Variants in RAX observed in about 807,000 individuals in gnomAD.
The protein encoded by RAX is retinal homeobox protein Rx.
RAX carries 11 observed loss-of-function variants against 17.4 expected under a neutral mutation model. The ratio of observed to expected loss-of-function variants is 0.63; its 90% CI spans 0.40 to 1.05. The LOEUF (loss-of-function observed/expected upper bound fraction) is 1.05. Among genes scored for constraint, RAX ranks in the 50% least tolerant of loss-of-function variants. The pLI, the probability that RAX is intolerant of heterozygous loss-of-function variation, is 0.00. For missense variants in RAX, 527 were observed against 501.1 expected, an observed-to-expected ratio of 1.05 and a Z score of -0.49; for synonymous variants, 276 against 254.7, an observed-to-expected ratio of 1.08 and a Z score of -0.80.
Position 59,273,215 on chromosome 18 carries a change from C to T in RAX, c.-9G>A, listed in dbSNP as rs548427917. The T allele has an allele frequency of 3.4e-5, 52 of 1,525,620 alleles. No individual in the cohort carries two copies. In the African/African-American group the frequency reaches 6.7e-4, roughly 20 times the overall value. 94.5% of individuals were successfully genotyped at this position (1,525,620 alleles called of 1,614,324 possible). A position where few individuals can be genotyped will look rare whatever the true frequency, so the allele number is the denominator to read the frequency against. On this transcript the variant is annotated 5_prime_UTR_variant, in exon 1 of 3. Transcript: ENST00000334889. ...CAGCCCGGCAGGTGCATGGGGAGCG[C>T]CGGGAGGCGGGAGGGCGCTTTGGAG...
At chr18:59,272,707 C>A (rs929305264) in intron 1 of RAX, 93 bp from the exon 2 acceptor site, 5 of 1,468,962 alleles carry the variant, frequency 3.4e-6, no homozygotes, top group Non-Finnish European at 4.5e-6. Flanking sequence ...AGCCCGCCTG[C>A]GGGCTCCGAG....
Position 59,268,313 on chromosome 18 carries a change from A to AAGGGCGCCTCTGGTCT in RAX, c.*675_*690dup, listed in dbSNP as rs1431377351. ...CCAAGCGCGCACGCCGGCTCCAGGG[A>AAGGGCGCCTCTGGTCT]AGGGCGCCTCTGGTCTAGGCCGCCG... On this transcript the variant is annotated 3_prime_UTR_variant, in exon 3 of 3. Coordinates refer to ENST00000334889, the MANE Select transcript of RAX (RefSeq NM_013435.3). The surrounding 1 kb of genome is among the most constrained non-coding windows in gnomAD (Gnocchi z 4.4). The AAGGGCGCCTCTGGTCT allele has an allele frequency of 1.3e-5, 2 of 152,360 alleles. No homozygotes were observed. Among genetic ancestry groups the AAGGGCGCCTCTGGTCT allele is most frequent in the Non-Finnish European group, 2.9e-5 (2 of 68,210 alleles). The allele number at this position is 152,360 out of a possible 1,614,324, so 9.4% of individuals were successfully genotyped here.
rs769925130 is a variant in RAX at position 59,267,861 on chromosome 18, A to G, written c.*1143T>C. 3.3e-5 allele frequency: 5 copies of G among 152,216 alleles called. No individual in the cohort carries two copies. Among genetic ancestry groups the G allele is most frequent in the Non-Finnish European group, 7.3e-5 (5 of 68,046 alleles). The allele number at this position is 152,216 out of a possible 1,614,324, so 9.4% of individuals were successfully genotyped here. On this transcript the variant is annotated 3_prime_UTR_variant, in exon 3 of 3. Coordinates refer to ENST00000334889, the MANE Select transcript of RAX (RefSeq NM_013435.3). ...AGATACTGTCCAGGGCACGCCCGCA[A>G]GAACTAGCTCTCGGGGCGGTGGCGT... is the stretch of plus-strand genomic sequence containing the variant.
At chr18:59,270,314 CTAT>C (rs2070327348) in intron 2 of RAX, among the ~76,000 whole-genome samples, 2 of 152,200 alleles carry the variant, frequency 1.3e-5, no homozygotes, top group Non-Finnish European at 2.9e-5. Context: ...TCATTCCAGT[CTAT>C]TATATCTACT....
chr18:59,268,765 G>T lies in RAX; in HGVS notation c.*239C>A. ...CCCGGCAGCCTGTTGCCCTCCAGCT[G>T]CAGGGCTGAGGTCCGCGAAGTGCGT... On this transcript the variant is annotated 3_prime_UTR_variant, in exon 3 of 3. Transcript: ENST00000334889. This position sits in a 1 kb window ranked among gnomAD's most constrained non-coding sequence, Gnocchi z 4.4. 1.5e-6 allele frequency: 1 copy of T among 654,112 alleles called. No individual in the cohort carries two copies. Among genetic ancestry groups the T allele is most frequent in the Non-Finnish European group, 2.5e-6 (1 of 396,976 alleles). The allele number at this position is 654,112 out of a possible 1,614,324, so 40.5% of individuals were successfully genotyped here.
At position 59,273,368 on chromosome 18, in the gene RAX, T is replaced by C. The variant is rs2070358549; in HGVS notation, c.-162A>G. 30 of 733,238 alleles carry C rather than the reference T, an allele frequency of 4.1e-5. No individual in the cohort carries two copies. In the South Asian group the frequency reaches 6.4e-4, roughly 16 times the overall value. The allele number at this position is 733,238 out of a possible 1,614,324, so 45.4% of individuals were successfully genotyped here. A position where few individuals can be genotyped will look rare whatever the true frequency, so the allele number is the denominator to read the frequency against. ...GCGCACGCTGGGGGTGGCCGAGCGC[T>C]CAGCCCGCTGCCGCCTTAGTCCCAG... On this transcript the variant is annotated 5_prime_UTR_variant, in exon 1 of 3. Transcript: ENST00000334889.
In RAX at chr18:59,272,369, G is replaced by C; in HGVS notation, c.535C>G (p.Arg179Gly). Residue 179 changes from arginine (R) to glycine (G), a missense_variant, in exon 2 of 3, where the codon CGG (arginine) becomes GGG (glycine). Physicochemically the swap from Arg to Gly is moderately radical, Grantham distance 125. Coordinates refer to ENST00000334889, the MANE Select transcript of RAX (RefSeq NM_013435.3). ...CAACCTGGGCGCTTTACCTGGACCC[G>C]GACCTCTGGTAGGTTGACCTTGCCG... ...LAGKVNLPEV[R>G]VQVWFQNRRA... 6.2e-7 allele frequency: 1 copy of C among 1,614,220 alleles called. No individual in the cohort carries two copies. The highest frequency in any genetic ancestry group is 2.2e-5 in the East Asian group (1 of 44,882).
At position 59,273,194 on chromosome 18, in the gene RAX, C is replaced by T. The variant is rs1167489071; in HGVS notation, c.13G>A (p.Gly5Ser). 2 of 1,530,230 alleles carry T rather than the reference C, an allele frequency of 1.3e-6. No homozygotes were observed. The highest frequency in any genetic ancestry group is 1.7e-6 in the Non-Finnish European group (2 of 1,144,284). The allele number at this position is 1,530,230 out of a possible 1,614,324, so 94.8% of individuals were successfully genotyped here. Residue 5 changes from glycine to serine, a missense_variant, in exon 1 of 3, where the codon GGC becomes AGC. Physicochemically the swap from Gly to Ser is moderately conservative, Grantham distance 56. Coordinates refer to ENST00000334889, the MANE Select transcript of RAX (RefSeq NM_013435.3). Reference protein sequence around the residue: MHLPGCAPAMADGSF... With the variant: MHLPSCAPAMADGSF... ...CCGTCGGCCATGGCTGGCGCGCAGC[C>T]CGGCAGGTGCATGGGGAGCGCCGGG...
chr18:59,269,124 G>A lies in RAX; in HGVS notation c.921C>T (p.Pro307=), dbSNP rs775263241. 1 of 1,606,654 alleles carries A rather than the reference G, an allele frequency of 6.2e-7. No individual in the cohort carries two copies. The highest frequency in any genetic ancestry group is 1.7e-5 in the Admixed American group (1 of 59,168). Residue 307 remains proline, a synonymous_variant, in exon 3 of 3, where the codon CCC becomes CCT. Transcript: ENST00000334889. The part of the protein sequence containing the change: ...APPPPSYPCG[P]GFGDKFPLDE... ...CCAGCGGGAACTTGTCCCCGAAGCC[G>A]GGCCCGCACGGGTAGGAGGGCGGCG...
chr18:59,273,284 G>A lies in RAX; in HGVS notation c.-78C>T. 1.4e-6 allele frequency: 2 copies of A among 1,422,362 alleles called. No individual in the cohort carries two copies. Among genetic ancestry groups the A allele is most frequent in the Non-Finnish European group, 1.9e-6 (2 of 1,072,370 alleles). The allele number at this position is 1,422,362 out of a possible 1,614,324, so 88.1% of individuals were successfully genotyped here. ...AAGCCGGGTCTTCCCGAGTGCGGCG[G>A]TGCAACCCGACGGGTCCCGACCCTA... On this transcript the variant is annotated 5_prime_UTR_variant, in exon 1 of 3. Coordinates refer to ENST00000334889, the MANE Select transcript of RAX (RefSeq NM_013435.3).
intron 1 of RAX, 110 bp downstream of exon 1, chr18:59,272,808 A>C: frequency 7.0e-7 from 1 of 1,426,684 alleles, no homozygotes; most frequent in Non-Finnish European, 9.3e-7. Context: ...ACGGTCCCCA[A>C]CCCCGCGCCC....
chr18:59,271,809 T>C (rs1004640911), intron 2 of RAX, among the ~76,000 whole-genome samples: 18 of 152,218 alleles, frequency 1.2e-4, no homozygotes, highest in Admixed American at 1.2e-3. Context: ...AAAACCCCTT[T>C]ACAATAAAAA....
At position 59,269,335 on chromosome 18, in the gene RAX, C is replaced by T. The variant is rs757339865; in HGVS notation, c.710G>A (p.Gly237Asp). ...GAGCCAGGACTCCAGCGGCAGCGCG[C>T]CCCCAGCCGGCCCGCCACCGCTGCC... ...GPGSGGGPAG[G>D]ALPLESWLGP... The change falls in exon 3 of 3, where the codon GGC becomes GAC. Residue 237 changes from glycine (G) to aspartate (D), a missense_variant. Gly to Asp is a moderately conservative substitution (Grantham distance 94). Transcript: ENST00000334889. The T allele has an allele frequency of 3.8e-4, 498 of 1,324,364 alleles. 1 individual carries two copies. Among genetic ancestry groups the T allele is most frequent in the Admixed American group, 8.4e-4 (25 of 29,650 alleles). The allele number at this position is 1,324,364 out of a possible 1,614,324, so 82.0% of individuals were successfully genotyped here.
intron 1 of RAX, 86 bp downstream of exon 1, chr18:59,272,832 A>G (rs866885705): frequency 6.8e-7 from 1 of 1,468,108 alleles, no homozygotes; most frequent in Non-Finnish European, 9.0e-7. Flanking sequence ...TGCCTTAATA[A>G]AAGTTAAGGA....
chr18:59,272,953 G>C lies in RAX; in HGVS notation c.254C>G (p.Pro85Arg). 3 of 1,470,964 alleles carry C rather than the reference G, an allele frequency of 2.0e-6. No individual in the cohort carries two copies. The highest frequency in any genetic ancestry group is 1.8e-6 in the Non-Finnish European group (2 of 1,126,602). The allele number at this position is 1,470,964 out of a possible 1,614,324, so 91.1% of individuals were successfully genotyped here. ...GGGGGCGGGCGCCGGGGCTGGCGGC[G>C]GGGAGGGCTCGGAGCCTTCCTCGGG... ...KAPEEGSEPS[P>R]PPAPAPAPEY... Residue 85 changes from proline (P) to arginine (R), a missense_variant, in exon 1 of 3, where the codon CCG (proline) becomes CGG (arginine). Physicochemically the swap from Pro to Arg is moderately radical, Grantham distance 103 (BLOSUM62 -2). Transcript: ENST00000334889.
At position 59,272,583 on chromosome 18, in the gene RAX, C is replaced by G; in HGVS notation, c.321G>C (p.Gly107=). 6.2e-7 allele frequency: 1 copy of G among 1,613,582 alleles called. No homozygotes were observed. The highest frequency in any genetic ancestry group is 8.5e-7 in the Non-Finnish European group (1 of 1,179,926). ...GCAGCCCTGGGCTCGGCCGTGCCTCCCCGGGCTCCTTGGGGCAGTAGGGTC... is the reference window on the plus strand; with the variant it reads ...GCAGCCCTGGGCTCGGCCGTGCCTCGCCGGGCTCCTTGGGGCAGTAGGGTC... The part of the protein sequence containing the change: ...APRPYCPKEP[G]EARPSPGLPV... Residue 107 remains glycine (G), a synonymous_variant, in exon 2 of 3, where the codon GGG becomes GGC. Transcript: ENST00000334889.
chr18:59,269,538 G>A (rs1224686708), intron 2 of RAX, 37 bp from the exon 3 acceptor site: 3 of 1,590,664 alleles, frequency 1.9e-6, no homozygotes, highest in Non-Finnish European at 8.5e-7. Context: ...GGGCAGCAGC[G>A]GAGGCTGCGG....
At position 59,268,821 on chromosome 18, in the gene RAX, T is replaced by C; in HGVS notation, c.*183A>G. On this transcript the variant is annotated 3_prime_UTR_variant, in exon 3 of 3. Transcript: ENST00000334889. This position sits in a 1 kb window ranked among gnomAD's most constrained non-coding sequence, Gnocchi z 4.4. The stretch of plus-strand genomic sequence containing the variant: ...CGGCCAGAGGGCCTCTCCTCAGGCC[T>C]GAAAGTCGCCCTTCTCCCCGTGCAT... 2 of 1,046,796 alleles carry C rather than the reference T, an allele frequency of 1.9e-6. No individual in the cohort carries two copies. Among genetic ancestry groups the C allele is most frequent in the Non-Finnish European group, 2.7e-6 (2 of 728,702 alleles). 64.8% of individuals were successfully genotyped at this position (1,046,796 alleles called of 1,614,324 possible). A position where few individuals can be genotyped will look rare whatever the true frequency, so the allele number is the denominator to read the frequency against.
intron 2 of RAX, among the ~76,000 whole-genome samples, chr18:59,270,584 T>C (rs1485805466): frequency 1.3e-5 from 2 of 152,150 alleles, no homozygotes; most frequent in Non-Finnish European, 2.9e-5. Context: ...ACTGGTGGCT[T>C]TAGTGCTATA....
Sources: gnomAD v4.1 joint callset for allele counts (sites outside exome capture counted in the v4.1 genomes callset) on GRCh38, gnomAD v4.1.1 for gene constraint, Gnocchi (gnomAD v3.1) non-coding constraint, MANE v1.5 for transcripts, NCBI Gene and HGNC (gene_info 2026-07-23, HGNC 2026-07-21) for gene names.